GALNTL6: variants seen among roughly 807,000 people sequenced by gnomAD.
The protein encoded by GALNTL6 is polypeptide N-acetylgalactosaminyltransferase-like 6.
GALNTL6 carries 46 observed loss-of-function variants against 73.7 expected under a neutral mutation model. That is an observed-to-expected ratio of 0.62 (90% CI 0.49 to 0.80). The LOEUF (loss-of-function observed/expected upper bound fraction) is 0.80, where lower values mean the gene tolerates loss of function less well. GALNTL6 is among the 30% of genes least tolerant of loss of function. GALNTL6 has a pLI of 0.00. For missense variants in GALNTL6, 604 were observed against 755.0 expected, an observed-to-expected ratio of 0.80 and a Z score of 2.34; for synonymous variants, 259 against 263.7, an observed-to-expected ratio of 0.98 and a Z score of 0.17.
At chr4:172,830,092 A>G (rs1742539555) in intron 7 of GALNTL6, among the ~76,000 whole-genome samples, 1 of 152,236 alleles carries the variant, frequency 6.6e-6, no homozygotes, top group African/African-American at 2.4e-5. Flanking sequence ...AACATAATAT[A>G]GTGAATTTAA....
chr4:172,400,370 A>G (rs1056600520), intron 5 of GALNTL6, among the ~76,000 whole-genome samples: 15 of 152,276 alleles, frequency 9.9e-5, no homozygotes, highest in African/African-American at 3.6e-4. Context: ...TTTTGTCAGT[A>G]TAGACAAGGA....
intron 8 of GALNTL6, among the ~76,000 whole-genome samples, chr4:172,923,879 G>A (rs1371579282): frequency 6.6e-6 from 1 of 151,934 alleles, no homozygotes; most frequent in African/African-American, 2.4e-5. Context: ...TTACTACCAC[G>A]AGAACAGCAC....
At chr4:172,045,840 G>C (rs1226405120) in intron 2 of GALNTL6, among the ~76,000 whole-genome samples, 1 of 151,306 alleles carries the variant, frequency 6.6e-6, no homozygotes, top group Admixed American at 6.6e-5. Context: ...TGACCATCTT[G>C]TCCTCATTCC....
chr4:172,399,709 T>C (rs1160429226), intron 5 of GALNTL6, among the ~76,000 whole-genome samples: 2 of 152,158 alleles, frequency 1.3e-5, no homozygotes, highest in Non-Finnish European at 2.9e-5. Context: ...GTTATCCTGC[T>C]TTACGTACTG....
intron 3 of GALNTL6, among the ~76,000 whole-genome samples, chr4:172,264,555 AATATATATATATATATATATATATAT>A (rs201920170): frequency 8.7e-5 from 9 of 103,778 alleles, no homozygotes; most frequent in Admixed American, 3.2e-4. Flanking sequence ...ATATATGCCA[AATATATATATATATATATATATATAT>A]ATATATATAT....
chr4:172,414,809 T>C (rs73871718), intron 5 of GALNTL6, among the ~76,000 whole-genome samples: 2 of 152,178 alleles, frequency 1.3e-5, no homozygotes, highest in Admixed American at 1.3e-4. Flanking sequence ...TGAGGCACTT[T>C]AGTCAATTGA....
chr4:173,025,469 C>T (rs1454946702), intron 12 of GALNTL6, among the ~76,000 whole-genome samples: 3 of 152,202 alleles, frequency 2.0e-5, no homozygotes, highest in Non-Finnish European at 2.9e-5. Context: ...TCCACCCGCT[C>T]TTTGCCATTT....
intron 2 of GALNTL6, among the ~76,000 whole-genome samples, chr4:172,069,888 G>A (rs888046515): frequency 9.3e-6 from 1 of 107,724 alleles, no homozygotes; most frequent in East Asian, 2.1e-4. Flanking sequence ...GTATAATAGG[G>A]AAATAAACCA....
chr4:172,459,148 C>T (rs1003085005), intron 5 of GALNTL6, among the ~76,000 whole-genome samples: 7 of 152,006 alleles, frequency 4.6e-5, no homozygotes, highest in Admixed American at 1.3e-4. Context: ...AAAAGGCCTT[C>T]GATAAAATTC....
At chr4:171,943,470 C>T (rs1415803747) in intron 2 of GALNTL6, among the ~76,000 whole-genome samples, 1 of 152,148 alleles carries the variant, frequency 6.6e-6, no homozygotes, top group African/African-American at 2.4e-5. Context: ...AGAAATATTA[C>T]ATATTAAATG....
At chr4:172,931,978 G>T (rs368906767) in intron 9 of GALNTL6, among the ~76,000 whole-genome samples, 2 of 152,114 alleles carry the variant, frequency 1.3e-5, no homozygotes, top group Admixed American at 6.5e-5. Flanking sequence ...TCAGGGCTGG[G>T]TCAGTTTTTG....
intron 10 of GALNTL6, among the ~76,000 whole-genome samples, chr4:172,972,617 G>T (rs145052325): frequency 2.5e-4 from 38 of 152,290 alleles, no homozygotes; most frequent in African/African-American, 9.1e-4. Context: ...TAGAACTAAA[G>T]ATTCATGAAG....
intron 2 of GALNTL6, among the ~76,000 whole-genome samples, chr4:172,165,964 C>T (rs1734611603): frequency 6.6e-6 from 1 of 151,904 alleles, no homozygotes. Context: ...AACAAGAATC[C>T]ACTGCATTAA....
At chr4:171,950,679 C>T (rs938589667) in intron 2 of GALNTL6, among the ~76,000 whole-genome samples, 2 of 151,924 alleles carry the variant, frequency 1.3e-5, no homozygotes, top group African/African-American at 2.4e-5. Context: ...GGGGTTTCAC[C>T]ATGTCAGCCA....
At chr4:172,616,284 A>G (rs1738726593) in intron 5 of GALNTL6, among the ~76,000 whole-genome samples, 1 of 152,102 alleles carries the variant, frequency 6.6e-6, no homozygotes, top group Non-Finnish European at 1.5e-5. Flanking sequence ...ATTGTAACCA[A>G]ATAGCAGTTG....
At chr4:172,924,417 C>T (rs1402065130) in intron 8 of GALNTL6, among the ~76,000 whole-genome samples, 1 of 152,170 alleles carries the variant, frequency 6.6e-6, no homozygotes, top group Non-Finnish European at 1.5e-5. Context: ...CTGTCTGGGA[C>T]GGATGCTTGG....
chr4:172,777,232 C>A (rs776750048), intron 5 of GALNTL6, among the ~76,000 whole-genome samples: 12 of 152,124 alleles, frequency 7.9e-5, no homozygotes, highest in Admixed American at 7.2e-4. Flanking sequence ...TCTTTACAGG[C>A]ATTGGAAATT....
chr4:172,126,268 G>A (rs1733290626), intron 2 of GALNTL6, among the ~76,000 whole-genome samples: 1 of 151,852 alleles, frequency 6.6e-6, no homozygotes, highest in Admixed American at 6.6e-5. Flanking sequence ...TTTCTTATTT[G>A]GAAGTGACTT....
At chr4:172,685,417 T>A (rs947721073) in intron 5 of GALNTL6, among the ~76,000 whole-genome samples, 1 of 152,230 alleles carries the variant, frequency 6.6e-6, no homozygotes, top group Non-Finnish European at 1.5e-5. Context: ...ATCCCCTTTT[T>A]AGCCTCTTTA....
Sources: gnomAD v4.1 joint callset for allele counts (sites outside exome capture counted in the v4.1 genomes callset) on GRCh38, gnomAD v4.1.1 for gene constraint, MANE v1.5 for transcripts, NCBI Gene and HGNC (gene_info 2026-07-23, HGNC 2026-07-21) for gene names.